Variants in BHLHE40 observed in about 807,000 individuals in gnomAD.
BHLHE40 encodes basic helix-loop-helix family member e40.
Under a neutral mutation model 35.7 loss-of-function variants are expected in BHLHE40, and 3 were observed. The ratio of observed to expected loss-of-function variants is 0.08; its 90% CI spans 0.04 to 0.22. The LOEUF (loss-of-function observed/expected upper bound fraction) is 0.22. Among genes scored for constraint, BHLHE40 ranks in the 10% least tolerant of loss-of-function variants. The probability of loss-of-function intolerance (pLI) is 1.00; values close to 1 mark genes in which losing one functional copy is unlikely to be tolerated. For missense variants in BHLHE40, 486 were observed against 524.0 expected (o/e 0.93, Z 0.71); for synonymous variants, 236 against 213.0 (o/e 1.11, Z -0.94).
At chr3:4,980,462 G>T in intron 3 of BHLHE40, 54 bp downstream of exon 3, 3 of 1,487,972 alleles carry the variant, frequency 2.0e-6, no homozygotes, top group Non-Finnish European at 2.8e-6. Flanking sequence ...GAGGGCGGGC[G>T]GGTCACTCGC....
At chr3:4,980,999 G>T (rs1290478231) in intron 3 of BHLHE40, among the ~76,000 whole-genome samples, 3 of 151,872 alleles carry the variant, frequency 2.0e-5, no homozygotes, top group Non-Finnish European at 4.4e-5. Context: ...GTCCCTCTCT[G>T]AGTTGACACC....
intron 3 of BHLHE40, 71 bp downstream of exon 3, chr3:4,980,479 C>T (rs998242569): frequency 2.2e-6 from 3 of 1,341,784 alleles, no homozygotes; most frequent in Admixed American, 1.8e-5. Context: ...TCGCCGCCTG[C>T]AGGTTCCGCG....
At chr3:4,980,657 A>C (rs1375972298) in intron 3 of BHLHE40, among the ~76,000 whole-genome samples, 1 of 152,166 alleles carries the variant, frequency 6.6e-6, no homozygotes, top group Non-Finnish European at 1.5e-5. Flanking sequence ...TCAGGAGTTT[A>C]ACTTCTGGTG....
chr3:4,979,565 A>C lies in BHLHE40; in HGVS notation c.-154A>C, dbSNP rs929116763. ...CGCCCCCAACTGAAGCTGCATCTCA[A>C]AGCCGAAGATTCCAGCAGCCCAGGG... On this transcript the variant is annotated 5_prime_UTR_variant, in exon 1 of 5. Transcript: ENST00000256495. 2 of 800,160 alleles carry C rather than the reference A, an allele frequency of 2.5e-6. No homozygotes were observed. Among genetic ancestry groups the C allele is most frequent in the Non-Finnish European group, 3.9e-6 (2 of 514,366 alleles). 49.6% of individuals were successfully genotyped at this position (800,160 alleles called of 1,614,324 possible). A position where few individuals can be genotyped will look rare whatever the true frequency, so the allele number is the denominator to read the frequency against.
rs1467891810 is a variant in BHLHE40 at position 4,980,401 on chromosome 3, A to G, written c.251A>G (p.Lys84Arg). The G allele has an allele frequency of 1.2e-6, 2 of 1,613,252 alleles. No individual in the cohort carries two copies. Among genetic ancestry groups the G allele is most frequent in the Non-Finnish European group, 1.7e-6 (2 of 1,179,470 alleles). ...AAGGATCTCCTACCCGAACATCTCA[A>G]ACTTACAGTAAGTGAGAAGCTGGCC... ...QLKDLLPEHL[K>R]LTTLGHLEKA... The change falls in exon 3 of 5, where the codon AAA becomes AGA. Residue 84 changes from lysine to arginine, a missense_variant. Physicochemically the swap from Lys to Arg is conservative, Grantham distance 26 (BLOSUM62 2). Around this residue, in one of 5 missense-constraint regions of BHLHE40, gnomAD observed 176 missense variants for 180.5 expected, o/e 0.98. Transcript: ENST00000256495.
chr3:4,980,097 G>T, intron 2 of BHLHE40, 66 bp downstream of exon 2: 1 of 1,564,948 alleles, frequency 6.4e-7, no homozygotes, highest in Admixed American at 1.7e-5. Flanking sequence ...TCCAAGAAAA[G>T]TTTTCTCGCT....
At chr3:4,980,555 C>T in intron 3 of BHLHE40, 147 bp downstream of exon 3, 1 of 640,038 alleles carries the variant, frequency 1.6e-6, no homozygotes, top group Non-Finnish European at 2.7e-6. Context: ...TCCTCCTCCA[C>T]AGTCCTGGCG....
Position 4,980,292 on chromosome 3 carries a change from G to A in BHLHE40, c.151-9G>A. On this transcript the variant is annotated splice_polypyrimidine_tract_variant and intron_variant, in intron 2 of 4. Coordinates refer to ENST00000256495, the MANE Select transcript of BHLHE40 (RefSeq NM_003670.3). ...CCAAGCGCCCACCGCCTCCCCGTGC[G>A]TCTTGCAGGAGACCTACAAATTGCC... is the stretch of plus-strand genomic sequence containing the variant. The A allele has an allele frequency of 6.2e-7, 1 of 1,613,150 alleles. No homozygotes were observed.
At chr3:4,982,079 C>T (rs2053203032) in intron 4 of BHLHE40, among the ~76,000 whole-genome samples, 1 of 152,232 alleles carries the variant, frequency 6.6e-6, no homozygotes, top group African/African-American at 2.4e-5. Context: ...TCGGAGTCAA[C>T]CTTCTAACCT....
intron 4 of BHLHE40, among the ~76,000 whole-genome samples, chr3:4,982,094 G>C (rs2053203089): frequency 6.6e-6 from 1 of 152,122 alleles, no homozygotes; most frequent in Non-Finnish European, 1.5e-5. Context: ...TAACCTTCTA[G>C]TCTCACTTCT....
chr3:4,980,242 G>A (rs2053180188), intron 2 of BHLHE40, 59 bp from the exon 3 acceptor site: 1 of 1,444,040 alleles, frequency 6.9e-7, no homozygotes, highest in Non-Finnish European at 9.7e-7. Flanking sequence ...GCGGGGCTGG[G>A]AGGATAGGCT....
intron 3 of BHLHE40, among the ~76,000 whole-genome samples, chr3:4,980,838 C>T (rs1003760238): frequency 2.0e-5 from 3 of 151,624 alleles, no homozygotes; most frequent in African/African-American, 4.9e-5. Context: ...TTGACAGTAG[C>T]CCTCGGCTAC....
At position 4,979,680 on chromosome 3, in the gene BHLHE40, T is replaced by C. The variant is rs1253570347; in HGVS notation, c.-39T>C. Reference sequence around the variant, plus strand: ...AGTCCTCATCCAGACGCTCCGCTAGTGCAGACAGGAGCGCGCAGTGGCCCC... The same window carrying C: ...AGTCCTCATCCAGACGCTCCGCTAGCGCAGACAGGAGCGCGCAGTGGCCCC... On this transcript the variant is annotated 5_prime_UTR_variant, in exon 1 of 5. Transcript: ENST00000256495. The C allele has an allele frequency of 6.5e-7, 1 of 1,548,548 alleles. No homozygotes were observed. Among genetic ancestry groups the C allele is most frequent in the African/African-American group, 1.4e-5 (1 of 73,072 alleles).
rs1322725256 is a variant in BHLHE40, at chr3:4,985,039, T to C, written c.*1347T>C. 1 of 152,538 alleles carries C rather than the reference T, an allele frequency of 6.6e-6. No individual in the cohort carries two copies. Among genetic ancestry groups the C allele is most frequent in the Admixed American group, 6.5e-5 (1 of 15,284 alleles). 9.4% of individuals were successfully genotyped at this position (152,538 alleles called of 1,614,324 possible). ...GTTTTTGAAGAGAAGAATAATTTTT[T>C]TTTTCTCTAGGGAGAGGTACAGTGT... is the stretch of plus-strand genomic sequence containing the variant. On this transcript the variant is annotated 3_prime_UTR_variant, in exon 5 of 5. Transcript: ENST00000256495.
chr3:4,983,859 T>C lies in BHLHE40; in HGVS notation c.*167T>C, dbSNP rs1432357504. ...GTGTGTGTGTGTGTGTGTGTGTATG[T>C]GCGTGTGCGTGCACATGTGTGCCTG... On this transcript the variant is annotated 3_prime_UTR_variant, in exon 5 of 5. Coordinates refer to ENST00000256495, the MANE Select transcript of BHLHE40 (RefSeq NM_003670.3). This position sits in a 1 kb window ranked among gnomAD's most constrained non-coding sequence, Gnocchi z 5.0. 57 of 942,190 alleles carry C rather than the reference T, an allele frequency of 6.0e-5. No homozygotes were observed. Among genetic ancestry groups the C allele is most frequent in the Middle Eastern group, 3.1e-4 (1 of 3,176 alleles). The allele number at this position is 942,190 out of a possible 1,614,324, so 58.4% of individuals were successfully genotyped here. A position where few individuals can be genotyped will look rare whatever the true frequency, so the allele number is the denominator to read the frequency against.
At position 4,983,461 on chromosome 3, in the gene BHLHE40, G is replaced by A; in HGVS notation, c.1008G>A (p.Leu336=). ...YLIPPSATAY[L]PMLEKCWYPT... The stretch of plus-strand genomic sequence containing the variant: ...TCCCACCTTCAGCGACTGCCTACCT[G>A]CCCATGCTGGAGAAGTGCTGGTATC... Residue 336 remains leucine, a synonymous_variant, in exon 5 of 5, where the codon CTG becomes CTA. Transcript: ENST00000256495. The surrounding 1 kb of genome is among the most constrained non-coding windows in gnomAD (Gnocchi z 5.0). 1 of 1,614,066 alleles carries A rather than the reference G, an allele frequency of 6.2e-7. No individual in the cohort carries two copies.
Position 4,983,376 on chromosome 3 carries a change from G to C in BHLHE40, c.923G>C (p.Ser308Thr), listed in dbSNP as rs767748860. The C allele has an allele frequency of 5.0e-6, 8 of 1,614,158 alleles. No homozygotes were observed. The highest frequency in any genetic ancestry group is 6.8e-6 in the Non-Finnish European group (8 of 1,180,034). The change falls in exon 5 of 5, where the codon AGC becomes ACC. Residue 308 changes from serine (S) to threonine (T), a missense_variant. This residue lies in a region of BHLHE40 where 206 missense variants were observed against 208.9 expected (regional missense o/e 0.99). Coordinates refer to ENST00000256495, the MANE Select transcript of BHLHE40 (RefSeq NM_003670.3). This position sits in a 1 kb window ranked among gnomAD's most constrained non-coding sequence, Gnocchi z 5.0. Reference sequence around the variant, plus strand: ...CATTTCACTAGCAGTGACCTGATCAGCTCCCCGTTCCTGGGCCCACACCCA... The same window carrying C: ...CATTTCACTAGCAGTGACCTGATCACCTCCCCGTTCCTGGGCCCACACCCA... ...EGHFTSSDLISSPFLGPHPHQ... is the reference protein window; with the variant it reads ...EGHFTSSDLITSPFLGPHPHQ...
chr3:4,980,966 C>G (rs115586125), intron 3 of BHLHE40, among the ~76,000 whole-genome samples: 3 of 151,420 alleles, frequency 2.0e-5, no homozygotes, highest in Non-Finnish European at 4.4e-5. Flanking sequence ...GGGAAAGCCT[C>G]TTGGCTGCCA....
Position 4,983,888 on chromosome 3 carries a change from G to A in BHLHE40, c.*196G>A. ...TGTGCGTGCACATGTGTGCCTGCGT[G>A]TTGGTATAGGACTTTAAAGCTCCTT... On this transcript the variant is annotated 3_prime_UTR_variant, in exon 5 of 5. Transcript: ENST00000256495. This position sits in a 1 kb window ranked among gnomAD's most constrained non-coding sequence, Gnocchi z 5.0. 5.5e-6 allele frequency: 4 copies of A among 730,712 alleles called. No individual in the cohort carries two copies. Among genetic ancestry groups the A allele is most frequent in the South Asian group, 4.0e-5 (2 of 49,698 alleles). The allele number at this position is 730,712 out of a possible 1,614,324, so 45.3% of individuals were successfully genotyped here. A position where few individuals can be genotyped will look rare whatever the true frequency, so the allele number is the denominator to read the frequency against.
Sources: gnomAD v4.1 joint callset for allele counts (sites outside exome capture counted in the v4.1 genomes callset) on GRCh38, gnomAD v4.1.1 for gene constraint, gnomAD v4.1.1 regional missense constraint, Gnocchi (gnomAD v3.1) non-coding constraint, MANE v1.5 for transcripts, NCBI Gene and HGNC (gene_info 2026-07-23, HGNC 2026-07-21) for gene names.